AGBL1: variants seen among roughly 807,000 people sequenced by gnomAD.
AGBL1 encodes the protein AGBL carboxypeptidase 1, also known as cytosolic carboxypeptidase 4.
AGBL1 carries 130 observed loss-of-function variants against 118.9 expected under a neutral mutation model. That is an observed-to-expected ratio of 1.09 (90% CI 0.95 to 1.26). The LOEUF (loss-of-function observed/expected upper bound fraction) is 1.26, where lower values mean the gene tolerates loss of function less well. Among genes scored for constraint, AGBL1 ranks in the 50% most tolerant of loss-of-function variants. AGBL1 has a pLI of 0.00. For missense variants in AGBL1, 1,584 were observed against 1,298.1 expected, an observed-to-expected ratio of 1.22 and a Z score of -3.38; for synonymous variants, 555 against 478.9, an observed-to-expected ratio of 1.16 and a Z score of -2.08.
At chr15:86,946,707 C>A (rs1018174302) in intron 23 of AGBL1, among the ~76,000 whole-genome samples, 4 of 151,718 alleles carry the variant, frequency 2.6e-5, no homozygotes, top group Non-Finnish European at 5.9e-5. Flanking sequence ...ATTAGCCAGG[C>A]ATGGTGGCAC....
At chr15:86,417,341 T>C (rs1482951949) in intron 18 of AGBL1, among the ~76,000 whole-genome samples, 1 of 152,224 alleles carries the variant, frequency 6.6e-6, no homozygotes, top group East Asian at 1.9e-4. Context: ...TTTTCCTTTC[T>C]CCACAGTAAG....
chr15:86,365,008 T>TACAC (rs1567219535), intron 17 of AGBL1, among the ~76,000 whole-genome samples: 1 of 116,842 alleles, frequency 8.6e-6, no homozygotes, highest in African/African-American at 3.4e-5. Context: ...CATATATATA[T>TACAC]ACACACACAT....
intron 17 of AGBL1, among the ~76,000 whole-genome samples, chr15:86,332,688 A>G (rs1392181774): frequency 6.6e-6 from 1 of 151,440 alleles, no homozygotes; most frequent in Non-Finnish European, 1.5e-5. Context: ...CAAATTTGAC[A>G]CATTACCAAT....
intron 21 of AGBL1, among the ~76,000 whole-genome samples, chr15:86,644,050 AAAAT>A (rs2085234701): frequency 6.6e-6 from 1 of 151,872 alleles, no homozygotes. Context: ...GAGACTTAAA[AAAAT>A]TTAACGTTTA....
intron 22 of AGBL1, among the ~76,000 whole-genome samples, chr15:86,870,639 AATAG>A (rs775573490): frequency 6.0e-4 from 91 of 152,284 alleles, no homozygotes; most frequent in Non-Finnish European, 1.9e-4. Flanking sequence ...ACATATTTCA[AATAG>A]ATATATGGAA....
chr15:86,185,315 A>C (rs181362602), intron 5 of AGBL1, among the ~76,000 whole-genome samples: 1 of 152,338 alleles, frequency 6.6e-6, no homozygotes, highest in Admixed American at 6.5e-5. Context: ...GTGGCACTGT[A>C]AACTAGTTCA....
intron 20 of AGBL1, among the ~76,000 whole-genome samples, chr15:86,548,808 A>T (rs545017753): frequency 6.6e-6 from 1 of 152,182 alleles, no homozygotes; most frequent in Non-Finnish European, 1.5e-5. Context: ...CTGAGACTGG[A>T]TAAATTATAA....
At chr15:86,916,536 G>A (rs549085114), downstream of AGBL1, among the ~76,000 whole-genome samples, 8 of 152,282 alleles carry the variant, frequency 5.3e-5, no homozygotes, top group South Asian at 1.7e-3. Flanking sequence ...TTTAGGAAAT[G>A]ATGGTTTTGT....
At position 86,670,148 on chromosome 15, in the gene AGBL1, CT is replaced by C. The variant is rs1481782354; in HGVS notation, c.2995-4121del. On this transcript the variant is annotated intron_variant, in intron 21 of 22. Transcript: ENST00000614907. Reference sequence around the variant, plus strand: ...ATACATTTTTATGCCTATAGCTTCCCTTTTATTTTGGTTCAGTTTATTAGGA... The same window carrying C: ...ATACATTTTTATGCCTATAGCTTCCCTTTATTTTGGTTCAGTTTATTAGGA... Among the ~76,000 whole-genome samples, 4 of 151,836 alleles carry C rather than the reference CT, an allele frequency of 2.6e-5. No individual in the cohort carries two copies. The East Asian group carries it at 7.7e-4, about 29-fold the overall frequency.
At chr15:86,821,679 ATAATAG>A (rs1251595279) in intron 22 of AGBL1, among the ~76,000 whole-genome samples, 1 of 152,204 alleles carries the variant, frequency 6.6e-6, no homozygotes, top group Admixed American at 6.5e-5. Context: ...AGCATAAATG[ATAATAG>A]TAATAGTTGT....
intron 24 of AGBL1, among the ~76,000 whole-genome samples, chr15:87,014,226 A>G (rs954172231): frequency 6.6e-6 from 1 of 152,118 alleles, no homozygotes; most frequent in Non-Finnish European, 1.5e-5. Flanking sequence ...TCATCATCAC[A>G]ATATATATGT....
At chr15:86,731,278 G>T (rs145995142) in intron 22 of AGBL1, among the ~76,000 whole-genome samples, 9 of 152,080 alleles carry the variant, frequency 5.9e-5, no homozygotes, top group Non-Finnish European at 7.4e-5. Context: ...GAAGTCTCAC[G>T]TACCTGAAAG....
chr15:86,861,683 G>A lies in AGBL1; in HGVS notation c.3159-45404G>A, dbSNP rs1044401274. Reference sequence around the variant, plus strand: ...GGTATTTAATATGTGCTGGCATATAGTGAGGACACCAAAAATGTTAGCTGT... The same window carrying A: ...GGTATTTAATATGTGCTGGCATATAATGAGGACACCAAAAATGTTAGCTGT... On this transcript the variant is annotated intron_variant, in intron 22 of 22. Transcript: ENST00000614907. Among the ~76,000 whole-genome samples the A allele has an allele frequency of 2.6e-5, 4 of 152,340 alleles. No homozygotes were observed. In the South Asian group the frequency reaches 6.2e-4, roughly 24 times the overall value.
chr15:87,021,780 C>T (rs1332904857), intron 24 of AGBL1, among the ~76,000 whole-genome samples: 1 of 152,106 alleles, frequency 6.6e-6, no homozygotes, highest in African/African-American at 2.4e-5. Context: ...AGCTCTAACT[C>T]AGACAGAGCA....
At chr15:86,809,723 T>C (rs1334822887) in intron 22 of AGBL1, among the ~76,000 whole-genome samples, 1 of 152,198 alleles carries the variant, frequency 6.6e-6, no homozygotes, top group Non-Finnish European at 1.5e-5. Flanking sequence ...TGTAGCTCTA[T>C]TTGACTTAAA....
Position 86,862,609 on chromosome 15 carries a change from T to C in AGBL1, c.3159-44478T>C, listed in dbSNP as rs112318134. Reference sequence around the variant, plus strand: ...GATGACATATGCCTGTAGTCCCAGCTACTCGGAGGGCTGACGCAGGAGACT... The same window carrying C: ...GATGACATATGCCTGTAGTCCCAGCCACTCGGAGGGCTGACGCAGGAGACT... On this transcript the variant is annotated intron_variant, in intron 22 of 22. Transcript: ENST00000614907. Among the ~76,000 whole-genome samples the C allele has an allele frequency of 8.5e-5, 13 of 152,236 alleles. 2 individuals carry two copies. The highest frequency in any genetic ancestry group is 2.9e-4 in the African/African-American group (12 of 41,548).
chr15:86,843,635 A>G (rs2079278222), intron 22 of AGBL1, among the ~76,000 whole-genome samples: 1 of 152,186 alleles, frequency 6.6e-6, no homozygotes, highest in African/African-American at 2.4e-5. Flanking sequence ...TTCAACCTTA[A>G]TTACATGTCT....
chr15:86,765,616 T>C lies in AGBL1; in HGVS notation c.3158+91180T>C, dbSNP rs2078086819. On this transcript the variant is annotated intron_variant, in intron 22 of 22. Transcript: ENST00000614907. ...CCTGGAGCTTTAAGGGGGAGAGACG[T>C]GACAAAAAAATTCCAAGTACAGGCG... is the stretch of plus-strand genomic sequence containing the variant. Among the ~76,000 whole-genome samples the C allele has an allele frequency of 2.0e-5, 3 of 151,976 alleles. 1 individual carries two copies.
chr15:86,213,663 C>T (rs1780199662), intron 5 of AGBL1, among the ~76,000 whole-genome samples: 1 of 152,180 alleles, frequency 6.6e-6, no homozygotes, highest in African/African-American at 2.4e-5. Context: ...CACTGTACCC[C>T]TCTTTCCCAC....
Sources: allele counts gnomAD v4.1 joint callset (sites outside exome capture counted in the v4.1 genomes callset), GRCh38; gene constraint gnomAD v4.1.1; transcripts MANE v1.5; gene names NCBI Gene and HGNC (gene_info 2026-07-23, HGNC 2026-07-21).